GNA11: variants seen among roughly 807,000 people sequenced by gnomAD.
GNA11 encodes guanine nucleotide-binding protein subunit alpha-11.
In GNA11, 8 loss-of-function variants were observed where a neutral mutation model predicts 38.2. The ratio of observed to expected loss-of-function variants is 0.21; its 90% CI spans 0.12 to 0.38. GNA11 has a LOEUF of 0.38. GNA11 is among the 10% of genes least tolerant of loss of function. The probability of loss-of-function intolerance (pLI) is 1.00; values close to 1 mark genes in which losing one functional copy is unlikely to be tolerated. For synonymous variants in GNA11, 211 were observed against 221.4 expected (o/e 0.95, Z 0.42); for missense variants, 268 against 516.3 (o/e 0.52, Z 4.66).
At chr19:3,096,154 C>T (rs1431023731) in intron 1 of GNA11, among the ~76,000 whole-genome samples, 2 of 152,174 alleles carry the variant, frequency 1.3e-5, no homozygotes, top group Non-Finnish European at 2.9e-5. Context: ...GCCTCTCCTG[C>T]CGTGAGCCTC....
intron 1 of GNA11, among the ~76,000 whole-genome samples, chr19:3,105,948 G>T (rs570331848): frequency 2.0e-5 from 3 of 152,346 alleles, no homozygotes; most frequent in Non-Finnish European, 2.9e-5. Context: ...GACGAGTCCA[G>T]AGTGAGGCGG....
Position 3,110,088 on chromosome 19 carries a change from G to A in GNA11, c.137-61G>A. The A allele has an allele frequency of 1.5e-6, 2 of 1,376,854 alleles. No individual in the cohort carries two copies. Among genetic ancestry groups the A allele is most frequent in the South Asian group, 2.6e-5 (2 of 77,696 alleles). The allele number at this position is 1,376,854 out of a possible 1,614,324, so 85.3% of individuals were successfully genotyped here. A position where few individuals can be genotyped will look rare whatever the true frequency, so the allele number is the denominator to read the frequency against. On this transcript the variant is annotated intron_variant, in intron 1 of 6. Transcript: ENST00000078429. The surrounding 1 kb of genome is among the most constrained non-coding windows in gnomAD (Gnocchi z 5.4). ...AGCACGGCAGGGTCTGGGTAAGAGGGGGCAGCAGCACGAGAGTCAGGCCCC... is the reference window on the plus strand; with the variant it reads ...AGCACGGCAGGGTCTGGGTAAGAGGAGGCAGCAGCACGAGAGTCAGGCCCC...
chr19:3,119,190 C>A lies in GNA11; in HGVS notation c.736-16C>A. On this transcript the variant is annotated splice_polypyrimidine_tract_variant and intron_variant, in intron 5 of 6. Coordinates refer to ENST00000078429, the MANE Select transcript of GNA11 (RefSeq NM_002067.5). This position sits in a 1 kb window ranked among gnomAD's most constrained non-coding sequence, Gnocchi z 4.6. ...GGGAGGGCCCCTCTGATTCCCTCTG[C>A]CTTCGCTCCCGCCAGAACCGGATGG... 6.2e-7 allele frequency: 1 copy of A among 1,612,208 alleles called. No homozygotes were observed. The highest frequency in any genetic ancestry group is 8.5e-7 in the Non-Finnish European group (1 of 1,179,272).
In GNA11 at chr19:3,121,086, G is replaced by C. The variant is rs375856122; in HGVS notation, c.987G>C (p.Thr329=). Residue 329 remains threonine, a synonymous_variant, in exon 7 of 7, where the codon ACG becomes ACC. Transcript: ENST00000078429. ...ACAAGATCATCTACTCACACTTCAC[G>C]TGTGCCACCGACACGGAGAACATCC... ...DSDKIIYSHF[T]CATDTENIRF... The C allele has an allele frequency of 6.2e-7, 1 of 1,613,784 alleles. No homozygotes were observed. The highest frequency in any genetic ancestry group is 8.5e-7 in the Non-Finnish European group (1 of 1,179,826).
chr19:3,118,731 G>A, intron 4 of GNA11, 193 bp from the exon 5 acceptor site: 1 of 589,202 alleles, frequency 1.7e-6, no homozygotes, highest in Non-Finnish European at 3.0e-6. Flanking sequence ...GGAAGGGTCT[G>A]CGGTGGTCAC....
At chr19:3,098,982 C>T (rs775187344) in intron 1 of GNA11, among the ~76,000 whole-genome samples, 5 of 152,220 alleles carry the variant, frequency 3.3e-5, no homozygotes, top group Non-Finnish European at 5.9e-5. Flanking sequence ...CAGCTGTGAG[C>T]TCCGTGGAGC....
intron 1 of GNA11, among the ~76,000 whole-genome samples, chr19:3,102,895 C>T (rs991661910): frequency 2.6e-5 from 4 of 152,248 alleles, no homozygotes; most frequent in Non-Finnish European, 4.4e-5. Flanking sequence ...CATGCACACG[C>T]GTGGGCTGCC....
At chr19:3,109,226 C>T in intron 1 of GNA11, among the ~76,000 whole-genome samples, 1 of 150,060 alleles carries the variant, frequency 6.7e-6, no homozygotes, top group East Asian at 1.9e-4. Flanking sequence ...GAGTCTCTGC[C>T]CAGGAGGTGA....
chr19:3,122,163 TTTG>T lies in GNA11; in HGVS notation c.*987_*989del, dbSNP rs1485901950. 1.3e-5 allele frequency: 3 copies of T among 232,994 alleles called. No homozygotes were observed. Among genetic ancestry groups the T allele is most frequent in the African/African-American group, 6.6e-5 (3 of 45,300 alleles). The allele number at this position is 232,994 out of a possible 1,614,324, so 14.4% of individuals were successfully genotyped here. On this transcript the variant is annotated 3_prime_UTR_variant, in exon 7 of 7. Coordinates refer to ENST00000078429, the MANE Select transcript of GNA11 (RefSeq NM_002067.5). The surrounding 1 kb of genome is among the most constrained non-coding windows in gnomAD (Gnocchi z 7.7). Reference sequence around the variant, plus strand: ...GCCACTTGGATGGGGGCGTTTCTGTTTTGTTCCGCTTTGTGATGTCACCAATTT... The same window carrying T: ...GCCACTTGGATGGGGGCGTTTCTGTTTTCCGCTTTGTGATGTCACCAATTT...
In GNA11 at chr19:3,105,211, ATGGCCGGACCCC is replaced by A. The variant is rs548321499; in HGVS notation, c.137-4933_137-4922del. ...GCAGGACCCTCCCAGCTGCCCTTTC[ATGGCCGGACCCC>A]TGGCTGGATCCCTGGCTTCCTGCAG... On this transcript the variant is annotated intron_variant, in intron 1 of 6. Coordinates refer to ENST00000078429, the MANE Select transcript of GNA11 (RefSeq NM_002067.5). Among the ~76,000 whole-genome samples the A allele has an allele frequency of 3.4e-3, 513 of 152,254 alleles. 3 individuals carry two copies. Among genetic ancestry groups the A allele is most frequent in the Admixed American group, 4.6e-3 (71 of 15,296 alleles).
chr19:3,098,936 G>A (rs1465582434), intron 1 of GNA11, among the ~76,000 whole-genome samples: 1 of 152,242 alleles, frequency 6.6e-6, no homozygotes, highest in Non-Finnish European at 1.5e-5. Context: ...GAAAGGGTCT[G>A]CTTTTCCCGG....
rs760497682 is a variant in GNA11, at chr19:3,103,519, C to CTTTTTTTTT, written c.137-6607_137-6599dup. ...TGAGCCACTGCGCCCGGCCTTGAAT[C>CTTTTTTTTT]TTTTTTTTTTTTTTTTTTTTTTTTT... On this transcript the variant is annotated intron_variant, in intron 1 of 6. Coordinates refer to ENST00000078429, the MANE Select transcript of GNA11 (RefSeq NM_002067.5). Among the ~76,000 whole-genome samples the CTTTTTTTTT allele has an allele frequency of 9.8e-3, 448 of 45,810 alleles. 103 individuals carry two copies. Among genetic ancestry groups the CTTTTTTTTT allele is most frequent in the Non-Finnish European group, 0.014 (355 of 25,130 alleles). 30.1% of individuals were successfully genotyped at this position (45,810 alleles called of 152,430 possible).
intron 1 of GNA11, among the ~76,000 whole-genome samples, chr19:3,100,838 G>T (rs1913485385): frequency 6.6e-6 from 1 of 152,220 alleles, no homozygotes; most frequent in Non-Finnish European, 1.5e-5. Flanking sequence ...GATTGTGGAA[G>T]GATTAAATGA....
At chr19:3,095,508 A>C (rs1230694737) in intron 1 of GNA11, among the ~76,000 whole-genome samples, 1 of 149,630 alleles carries the variant, frequency 6.7e-6, no homozygotes, top group Non-Finnish European at 1.5e-5. Flanking sequence ...TGTACCCTCC[A>C]TGCAGGCCCT....
chr19:3,095,850 G>T (rs1306736422), intron 1 of GNA11, among the ~76,000 whole-genome samples: 1 of 152,144 alleles, frequency 6.6e-6, no homozygotes, highest in Non-Finnish European at 1.5e-5. Flanking sequence ...TCCTGGAGAA[G>T]GTTTGCTGGT....
At chr19:3,111,095 C>T (rs1400460134) in intron 2 of GNA11, among the ~76,000 whole-genome samples, 1 of 151,872 alleles carries the variant, frequency 6.6e-6, no homozygotes, top group Non-Finnish European at 1.5e-5. Context: ...TGCCTGGCCT[C>T]CGCCCTGGTT....
chr19:3,099,255 G>T (rs1433015185), intron 1 of GNA11, among the ~76,000 whole-genome samples: 5 of 152,114 alleles, frequency 3.3e-5, no homozygotes, highest in Non-Finnish European at 7.4e-5. Context: ...CTGGGACCCA[G>T]CGCCCCTTCT....
At chr19:3,102,937 G>A (rs1048959343) in intron 1 of GNA11, among the ~76,000 whole-genome samples, 1 of 152,238 alleles carries the variant, frequency 6.6e-6, no homozygotes, top group Non-Finnish European at 1.5e-5. Flanking sequence ...GCTGACAAAC[G>A]GTCATGTGTA....
Position 3,110,054 on chromosome 19 carries a change from G to C in GNA11, c.137-95G>C. ...CTCACGTGCCTTGGTTTCCTGTGCT[G>C]GGTGCTGCAGCACGGCAGGGTCTGG... On this transcript the variant is annotated intron_variant, in intron 1 of 6. Coordinates refer to ENST00000078429, the MANE Select transcript of GNA11 (RefSeq NM_002067.5). This position sits in a 1 kb window ranked among gnomAD's most constrained non-coding sequence, Gnocchi z 5.4. 2.0e-6 allele frequency: 2 copies of C among 987,982 alleles called. No individual in the cohort carries two copies. The highest frequency in any genetic ancestry group is 3.0e-6 in the Non-Finnish European group (2 of 662,726). 61.2% of individuals were successfully genotyped at this position (987,982 alleles called of 1,614,324 possible). A position where few individuals can be genotyped will look rare whatever the true frequency, so the allele number is the denominator to read the frequency against.
Sources: gnomAD v4.1 joint callset for allele counts (sites outside exome capture counted in the v4.1 genomes callset) on GRCh38, gnomAD v4.1.1 for gene constraint, Gnocchi (gnomAD v3.1) non-coding constraint, MANE v1.5 for transcripts, NCBI Gene and HGNC (gene_info 2026-07-23, HGNC 2026-07-21) for gene names.